RARB: variants seen among roughly 807,000 people sequenced by gnomAD.
RARB encodes the protein HBV-activated protein.
Under a neutral mutation model 51.9 loss-of-function variants are expected in RARB, and 17 were observed. The ratio of observed to expected loss-of-function variants is 0.33; its 90% CI spans 0.22 to 0.49. RARB has a LOEUF of 0.49. Ranked by LOEUF, RARB falls within the 20% of genes least tolerant of loss-of-function variation. The pLI is 0.99. For synonymous variants in RARB, 215 were observed against 195.4 expected (o/e 1.10, Z -0.84); for missense variants, 369 against 550.8 (o/e 0.67, Z 3.30).
intron 4 of RARB, 122 bp from the exon 5 acceptor site, chr3:25,580,424 A>T: frequency 2.1e-6 from 2 of 942,148 alleles, no homozygotes; most frequent in Non-Finnish European, 3.1e-6. Context: ...TAGCTGTCCC[A>T]CCAACAACCT....
intron 4 of RARB, among the ~76,000 whole-genome samples, chr3:25,168,679 G>A (rs575063932): frequency 6.6e-6 from 1 of 152,266 alleles, no homozygotes; most frequent in African/African-American, 2.4e-5. Flanking sequence ...GGAAGTTAAA[G>A]GTGAGGATAT....
intron 5 of RARB, among the ~76,000 whole-genome samples, chr3:25,326,666 T>C (rs1302493671): frequency 6.6e-6 from 1 of 152,166 alleles, no homozygotes; most frequent in African/African-American, 2.4e-5. Flanking sequence ...AGTGGATCTG[T>C]TGGCACCTTT....
Position 25,174,640 on chromosome 3 carries a change from G to A in RARB, c.178+65G>A, listed in dbSNP as rs564288999. 39 of 1,298,592 alleles carry A rather than the reference G, an allele frequency of 3.0e-5. No individual in the cohort carries two copies. In the South Asian group the frequency reaches 3.9e-4, roughly 13 times the overall value. The allele number at this position is 1,298,592 out of a possible 1,614,324, so 80.4% of individuals were successfully genotyped here. A position where few individuals can be genotyped will look rare whatever the true frequency, so the allele number is the denominator to read the frequency against. On this transcript the variant is annotated intron_variant, in intron 5 of 11. Transcript: ENST00000383772. ...ATTGGATGAAGGGACCTGAGAAAAC[G>A]GAATGGTTGGTATCCAGGGCAATTT...
chr3:24,985,189 A>G (rs1696760696), intron 2 of RARB, among the ~76,000 whole-genome samples: 1 of 152,176 alleles, frequency 6.6e-6, no homozygotes, highest in South Asian at 2.1e-4. Context: ...ACTCGTTCAC[A>G]TACTAACTTG....
chr3:25,024,689 T>C (rs1316646290), intron 2 of RARB, among the ~76,000 whole-genome samples: 1 of 152,116 alleles, frequency 6.6e-6, no homozygotes, highest in African/African-American at 2.4e-5. Context: ...CGGTGGCTCA[T>C]GCCTGTAATC....
At chr3:25,342,681 A>T (rs937490258) in intron 5 of RARB, among the ~76,000 whole-genome samples, 2 of 152,246 alleles carry the variant, frequency 1.3e-5, no homozygotes, top group Non-Finnish European at 2.9e-5. Context: ...CACTGTAATT[A>T]GGTTTTCTCT....
intron 1 of RARB, 29 bp downstream of exon 1, chr3:25,428,917 C>CAAAAAAA: frequency 6.4e-7 from 1 of 1,550,780 alleles, no homozygotes; most frequent in Admixed American, 1.9e-5. Context: ...CTTCTTCTAC[C>CAAAAAAA]AAGAAAAAAA....
chr3:24,981,659 G>C (rs4075414), intron 2 of RARB, among the ~76,000 whole-genome samples: 11,891 of 152,162 alleles, frequency 0.078, 600 homozygotes, highest in East Asian at 0.19. Flanking sequence ...TATTTGGGCA[G>C]GAGTGCATGG....
chr3:25,453,995 A>G (rs576308446), intron 1 of RARB, among the ~76,000 whole-genome samples: 1 of 152,314 alleles, frequency 6.6e-6, no homozygotes, highest in South Asian at 2.1e-4. Flanking sequence ...CGATTCACAG[A>G]TTTGCAAAAC....
chr3:25,270,831 G>A (rs560451284), intron 5 of RARB, among the ~76,000 whole-genome samples: 23 of 152,222 alleles, frequency 1.5e-4, no homozygotes, highest in African/African-American at 5.5e-4. Flanking sequence ...GGTAATTGCG[G>A]TTTTTGCCAT....
chr3:25,190,247 A>G (rs1017520397), intron 5 of RARB, among the ~76,000 whole-genome samples: 1 of 152,108 alleles, frequency 6.6e-6, no homozygotes, highest in Non-Finnish European at 1.5e-5. Flanking sequence ...ACATAGGAAC[A>G]GTCAATGAGT....
At chr3:25,384,751 A>C (rs1334787800) in intron 5 of RARB, among the ~76,000 whole-genome samples, 2 of 152,204 alleles carry the variant, frequency 1.3e-5, no homozygotes, top group Non-Finnish European at 2.9e-5. Flanking sequence ...TTGTCTACGA[A>C]CATACTCCCA....
intron 2 of RARB, among the ~76,000 whole-genome samples, chr3:24,927,205 A>G (rs1230983246): frequency 6.6e-6 from 1 of 152,112 alleles, no homozygotes; most frequent in African/African-American, 2.4e-5. Context: ...GTAGATTTGC[A>G]TTACAAAATT....
At chr3:25,494,664 C>T (rs1696934297) in intron 2 of RARB, among the ~76,000 whole-genome samples, 1 of 152,180 alleles carries the variant, frequency 6.6e-6, no homozygotes, top group Non-Finnish European at 1.5e-5. Flanking sequence ...AGAAAGCTTA[C>T]CACATCTACT....
At chr3:24,997,665 G>A (rs1382303552) in intron 2 of RARB, among the ~76,000 whole-genome samples, 15 of 152,010 alleles carry the variant, frequency 9.9e-5, no homozygotes, top group South Asian at 2.1e-4. Context: ...TATTACAGGC[G>A]TGAGCCACTG....
intron 5 of RARB, among the ~76,000 whole-genome samples, chr3:25,232,867 G>A (rs546390134): frequency 6.6e-6 from 1 of 151,890 alleles, no homozygotes; most frequent in Non-Finnish European, 1.5e-5. Flanking sequence ...TTAGATGATT[G>A]TGTCCAGTTG....
At chr3:25,518,950 G>A (rs1255110410) in intron 3 of RARB, among the ~76,000 whole-genome samples, 1 of 152,098 alleles carries the variant, frequency 6.6e-6, no homozygotes, top group Non-Finnish European at 1.5e-5. Context: ...TGATTTGGGT[G>A]GTGGTTATAA....
At chr3:24,868,857 A>G (rs376672827) in intron 2 of RARB, among the ~76,000 whole-genome samples, 3 of 152,136 alleles carry the variant, frequency 2.0e-5, no homozygotes, top group African/African-American at 4.8e-5. Flanking sequence ...CCACTTCCAG[A>G]TGGCCTGCCT....
At chr3:25,293,670 A>G (rs1004306642) in intron 5 of RARB, among the ~76,000 whole-genome samples, 2 of 151,356 alleles carry the variant, frequency 1.3e-5, no homozygotes. Flanking sequence ...CCATTTTCCT[A>G]AAACCATCAT....
Sources: allele counts gnomAD v4.1 joint callset (sites outside exome capture counted in the v4.1 genomes callset), GRCh38; gene constraint gnomAD v4.1.1; transcripts MANE v1.5; gene names NCBI Gene and HGNC (gene_info 2026-07-23, HGNC 2026-07-21).